MYO18B: variants seen among roughly 807,000 people sequenced by gnomAD.
MYO18B encodes unconventional myosin-XVIIIb.
Under a neutral mutation model 273.0 loss-of-function variants are expected in MYO18B, and 204 were observed. That is an observed-to-expected ratio of 0.75 (90% CI 0.67 to 0.84). The LOEUF (loss-of-function observed/expected upper bound fraction) is 0.84. Among genes scored for constraint, MYO18B ranks in the 40% least tolerant of loss-of-function variants. The probability of loss-of-function intolerance (pLI) is 0.00; values close to 1 mark genes in which losing one functional copy is unlikely to be tolerated. For missense variants in MYO18B, 3,212 were observed against 3,287.6 expected, an observed-to-expected ratio of 0.98 and a Z score of 0.56; for synonymous variants, 1,330 against 1,305.7, an observed-to-expected ratio of 1.02 and a Z score of -0.40.
At chr22:25,759,822 AATTT>A (rs1359600580) in intron 1 of MYO18B, among the ~76,000 whole-genome samples, 2 of 152,210 alleles carry the variant, frequency 1.3e-5, no homozygotes, top group Non-Finnish European at 2.9e-5. Context: ...GAGGTACTCT[AATTT>A]ATTTGACATT....
the MYO18B span, among the ~76,000 whole-genome samples, chr22:26,041,545 A>T: frequency 6.6e-5 from 10 of 151,954 alleles, no homozygotes; most frequent in Admixed American, 5.9e-4. Flanking sequence ...AATAATAATA[A>T]TAACAATAAA....
chr22:25,942,523 G>C (rs910543207), intron 34 of MYO18B, among the ~76,000 whole-genome samples: 4 of 152,144 alleles, frequency 2.6e-5, no homozygotes, highest in African/African-American at 9.7e-5. Context: ...TTTCTATGAG[G>C]GGCAGTGAAG....
chr22:26,035,074 A>G (rs759654708), downstream of MYO18B, among the ~76,000 whole-genome samples: 2 of 152,212 alleles, frequency 1.3e-5, no homozygotes, highest in East Asian at 1.9e-4. Flanking sequence ...GCTACAGGTC[A>G]TCCTTCTGTG....
At chr22:25,959,557 T>C (rs575557853) in intron 39 of MYO18B, among the ~76,000 whole-genome samples, 1 of 152,304 alleles carries the variant, frequency 6.6e-6, no homozygotes, top group South Asian at 2.1e-4. Flanking sequence ...ATTATAAGCA[T>C]GTCACCGCTC....
At chr22:26,000,953 T>C (rs573866385) in intron 40 of MYO18B, among the ~76,000 whole-genome samples, 66 of 150,646 alleles carry the variant, frequency 4.4e-4, no homozygotes, top group African/African-American at 1.5e-3. Flanking sequence ...AATAAGCAGC[T>C]ATACTTCCAT....
At chr22:26,042,183 G>A in the MYO18B span, among the ~76,000 whole-genome samples, 1 of 152,254 alleles carries the variant, frequency 6.6e-6, no homozygotes, top group African/African-American at 2.4e-5. Flanking sequence ...CAGGCCTGGT[G>A]TTCAATGCCA....
chr22:25,824,524 A>G (rs1479512479), intron 13 of MYO18B, among the ~76,000 whole-genome samples: 3 of 152,120 alleles, frequency 2.0e-5, no homozygotes, highest in African/African-American at 7.2e-5. Context: ...GCCTCTGTGC[A>G]TCTTTGGGAG....
rs371717318 is a variant in MYO18B, at chr22:25,966,397, C to A, written c.6156+11033C>A. 1.1e-3 allele frequency among the ~76,000 whole-genome samples: 171 copies of A among 152,286 alleles called. 6 individuals carry two copies. The South Asian group carries it at 0.034, about 30-fold the overall frequency. On this transcript the variant is annotated intron_variant, in intron 39 of 43. Transcript: ENST00000335473. ...CATTTCAAAAAGCCCTTGGTGTTTT[C>A]CCCCTGCAAATGGCTATGAACTTGA...
chr22:25,804,727 C>T (rs115453670), intron 12 of MYO18B, among the ~76,000 whole-genome samples: 148 of 152,364 alleles, frequency 9.7e-4, no homozygotes, highest in African/African-American at 3.4e-3. Context: ...GGCAACTGTA[C>T]TTTGCTCAGC....
chr22:25,747,283 G>A (rs371607117), intron 1 of MYO18B, among the ~76,000 whole-genome samples: 12 of 152,350 alleles, frequency 7.9e-5, no homozygotes, highest in African/African-American at 2.9e-4. Context: ...CTTGGCACAG[G>A]TTCCATCCCT....
intron 1 of MYO18B, among the ~76,000 whole-genome samples, chr22:25,753,458 G>A (rs1452700054): frequency 6.6e-6 from 1 of 152,208 alleles, no homozygotes; most frequent in Non-Finnish European, 1.5e-5. Context: ...CAATCGGCAG[G>A]ATGTGGGTGG....
At chr22:26,003,447 T>A in intron 41 of MYO18B, 138 bp downstream of exon 41, 1 of 771,580 alleles carries the variant, frequency 1.3e-6, no homozygotes, top group Non-Finnish European at 2.3e-6. Flanking sequence ...TTCATGGTCA[T>A]AACCTATAGC....
At chr22:25,786,575 C>T (rs1272478738) in intron 11 of MYO18B, among the ~76,000 whole-genome samples, 1 of 151,018 alleles carries the variant, frequency 6.6e-6, no homozygotes, top group Non-Finnish European at 1.5e-5. Context: ...AAACTTCAAA[C>T]CACAAAATTT....
chr22:25,887,586 T>A (rs1236472121), intron 25 of MYO18B, among the ~76,000 whole-genome samples: 1 of 152,180 alleles, frequency 6.6e-6, no homozygotes, highest in African/African-American at 2.4e-5. Flanking sequence ...AGGACTCTTC[T>A]GGGTTTGCAA....
chr22:26,037,301 G>A, the MYO18B span, among the ~76,000 whole-genome samples: 1 of 152,262 alleles, frequency 6.6e-6, no homozygotes, highest in African/African-American at 2.4e-5. Context: ...GGTGGGAGAG[G>A]AGACCCTATC....
chr22:25,797,104 G>A (rs2087949870), intron 11 of MYO18B, among the ~76,000 whole-genome samples: 1 of 152,174 alleles, frequency 6.6e-6, no homozygotes, highest in Non-Finnish European at 1.5e-5. Context: ...GCGGGTGCCT[G>A]TAAGCCCAGC....
chr22:26,002,829 T>C (rs1241633330), intron 40 of MYO18B, among the ~76,000 whole-genome samples: 2 of 152,192 alleles, frequency 1.3e-5, no homozygotes, highest in Admixed American at 1.3e-4. Context: ...GTAATTAGTA[T>C]TGGAGTTTCC....
chr22:26,040,412 G>A, the MYO18B span, among the ~76,000 whole-genome samples: 1 of 152,156 alleles, frequency 6.6e-6, no homozygotes, highest in Non-Finnish European at 1.5e-5. Context: ...CAGAGATAAA[G>A]CAGTAAATAA....
chr22:25,830,416 T>A lies in MYO18B; in HGVS notation c.2979+1448T>A, dbSNP rs544423873. ...GTTGCTCACAAGTGTCTGGATGGCC[T>A]GGGCAGCTCTCTTGGTCCAGGATGG... On this transcript the variant is annotated intron_variant, in intron 15 of 43. Coordinates refer to ENST00000335473, the MANE Select transcript of MYO18B (RefSeq NM_032608.7). Among the ~76,000 whole-genome samples, 7 of 152,324 alleles carry A rather than the reference T, an allele frequency of 4.6e-5. No individual in the cohort carries two copies. The South Asian group carries it at 1.4e-3, about 32-fold the overall frequency.
Sources: gnomAD v4.1 joint callset for allele counts (sites outside exome capture counted in the v4.1 genomes callset) on GRCh38, gnomAD v4.1.1 for gene constraint, MANE v1.5 for transcripts, NCBI Gene and HGNC (gene_info 2026-07-23, HGNC 2026-07-21) for gene names.